The following SEMA6A variants were observed in gnomAD, a reference collection of about 807,000 sequenced individuals.
SEMA6A encodes semaphorin 6A, also known as semaphorin-6A.
SEMA6A carries 25 observed loss-of-function variants against 96.8 expected under a neutral mutation model. The ratio of observed to expected loss-of-function variants is 0.26; its 90% CI spans 0.19 to 0.36. SEMA6A has a LOEUF of 0.36. SEMA6A is among the 10% of genes least tolerant of loss of function. The pLI is 1.00. For synonymous variants in SEMA6A, 612 were observed against 518.0 expected (o/e 1.18, Z -2.46); for missense variants, 1,363 against 1,323.1 (o/e 1.03, Z -0.47).
intron 1 of SEMA6A, among the ~76,000 whole-genome samples, chr5:116,522,191 A>C (rs1758986398): frequency 6.6e-6 from 1 of 152,154 alleles, no homozygotes. Context: ...TTGGGTAAGA[A>C]ACTCACTTTT....
At position 116,477,829 on chromosome 5, in the gene SEMA6A, C is replaced by T. The variant is rs779283853; in HGVS notation, c.1649+17G>A. On this transcript the variant is annotated intron_variant, in intron 15 of 18. Transcript: ENST00000343348. Reference sequence around the variant, plus strand: ...CTGGAAGCCACTTCACCCTCTCCCACACCTCAGGCTGCCTACCTGCTGTTG... The same window carrying T: ...CTGGAAGCCACTTCACCCTCTCCCATACCTCAGGCTGCCTACCTGCTGTTG... 7 of 1,612,934 alleles carry T rather than the reference C, an allele frequency of 4.3e-6. No individual in the cohort carries two copies. Among genetic ancestry groups the T allele is most frequent in the African/African-American group, 2.7e-5 (2 of 74,920 alleles).
chr5:116,469,352 A>G lies in SEMA6A; in HGVS notation c.1730-1605T>C, dbSNP rs140566964. ...GTTCACATCTCATGTCATGATACAGATAAGAGAACAGGGGAAGGAAAATCA... is the reference window on the plus strand; with the variant it reads ...GTTCACATCTCATGTCATGATACAGGTAAGAGAACAGGGGAAGGAAAATCA... On this transcript the variant is annotated intron_variant, in intron 17 of 18. Coordinates refer to ENST00000343348, the MANE Select transcript of SEMA6A (RefSeq NM_020796.5). 238 of 152,362 alleles carry G rather than the reference A, an allele frequency of 1.6e-3. 3 individuals carry two copies. Among genetic ancestry groups the G allele is most frequent in the African/African-American group, 5.5e-3 (228 of 41,596 alleles). The allele number at this position is 152,362 out of a possible 1,614,324, so 9.4% of individuals were successfully genotyped here.
At position 116,486,770 on chromosome 5, in the gene SEMA6A, G is replaced by A. The variant is rs1426934700; in HGVS notation, c.941C>T (p.Thr314Met). The A allele has an allele frequency of 2.5e-6, 4 of 1,613,576 alleles. No homozygotes were observed. The highest frequency in any genetic ancestry group is 3.4e-6 in the Non-Finnish European group (4 of 1,179,694). ...TTACCTGTTATAAGGTGTAGAAAAC[G>A]TTGCCAGGACAACATCACGCCCGTT... is the stretch of plus-strand genomic sequence containing the variant. Reference protein sequence around the residue: ...RINGRDVVLATFSTPYNSIPG... With the variant: ...RINGRDVVLAMFSTPYNSIPG... The change falls in exon 10 of 19, where the codon ACG becomes ATG. Residue 314 changes from threonine (T) to methionine (M), a missense_variant. Coordinates refer to ENST00000343348, the MANE Select transcript of SEMA6A (RefSeq NM_020796.5).
Position 116,488,210 on chromosome 5 carries a change from G to A in SEMA6A, c.656-14C>T. 6.4e-7 allele frequency: 1 copy of A among 1,559,008 alleles called. No individual in the cohort carries two copies. Among genetic ancestry groups the A allele is most frequent in the East Asian group, 2.3e-5 (1 of 44,386 alleles). On this transcript the variant is annotated splice_polypyrimidine_tract_variant and intron_variant, in intron 8 of 18. Transcript: ENST00000343348. ...CAAAGTATGGTTCTGTAGACAAACA[G>A]GCACTTTAATTGGGAACATGTCAAA...
intron 1 of SEMA6A, among the ~76,000 whole-genome samples, chr5:116,524,725 G>A (rs746887898): frequency 8.4e-6 from 1 of 119,582 alleles, no homozygotes; most frequent in Non-Finnish European, 1.9e-5. Context: ...ATTTTCATAG[G>A]TTCCTAACCT....
In SEMA6A at chr5:116,446,778, T is replaced by C. The variant is rs1181634108; in HGVS notation, c.2928A>G (p.Pro976=). The change falls in exon 19 of 19, where the codon CCA becomes CCG. Residue 976 remains proline, a synonymous_variant. Coordinates refer to ENST00000343348, the MANE Select transcript of SEMA6A (RefSeq NM_020796.5). ...TCGAGACAGTCACGGCCTGGCCAGA[T>C]GGCTGGGAGCTGTGCACCTGGATGG... The part of the protein sequence containing the change: ...VDSIQVHSSQ[P]SGQAVTVSRQ... 1 of 1,611,800 alleles carries C rather than the reference T, an allele frequency of 6.2e-7. No homozygotes were observed. Among genetic ancestry groups the C allele is most frequent in the Admixed American group, 1.7e-5 (1 of 59,604 alleles).
chr5:116,497,712 A>G (rs182138243), intron 3 of SEMA6A, among the ~76,000 whole-genome samples: 6 of 152,380 alleles, frequency 3.9e-5, no homozygotes, highest in African/African-American at 1.4e-4. Context: ...CCCAAAGACT[A>G]GAACACAGAT....
intron 11 of SEMA6A, 88 bp downstream of exon 11, chr5:116,482,356 G>A (rs959234535): frequency 1.2e-5 from 17 of 1,401,474 alleles, no homozygotes; most frequent in Non-Finnish European, 1.7e-5. Context: ...GAAGGCACTG[G>A]TGCGCAGTTC....
At chr5:116,527,343 C>G (rs1759274201) in intron 1 of SEMA6A, among the ~76,000 whole-genome samples, 1 of 152,032 alleles carries the variant, frequency 6.6e-6, no homozygotes, top group African/African-American at 2.4e-5. Context: ...TTAAACATGG[C>G]CAAAAGACGA....
At chr5:116,484,673 T>A (rs933886722) in intron 10 of SEMA6A, among the ~76,000 whole-genome samples, 1 of 152,178 alleles carries the variant, frequency 6.6e-6, no homozygotes, top group East Asian at 1.9e-4. Flanking sequence ...CAACAACATC[T>A]TCAGGACGGT....
rs200499896 is a variant in SEMA6A, at chr5:116,486,928, A to G, written c.783T>C (p.Asp261=). The change falls in exon 10 of 19, where the codon GAT becomes GAC. Residue 261 remains aspartate, a synonymous_variant. Coordinates refer to ENST00000343348, the MANE Select transcript of SEMA6A (RefSeq NM_020796.5). ...FPRVAQVCKN[D]MGGSQRVLEK... ...CCAGGACTCTTTGAGATCCTCCCATATCATTCTTACAAACCTGAGCCACTC... is the reference window on the plus strand; with the variant it reads ...CCAGGACTCTTTGAGATCCTCCCATGTCATTCTTACAAACCTGAGCCACTC... The G allele has an allele frequency of 1.7e-4, 272 of 1,613,776 alleles. 1 individual carries two copies. Among genetic ancestry groups the G allele is most frequent in the South Asian group, 1.8e-4 (16 of 91,076 alleles).
intron 16 of SEMA6A, among the ~76,000 whole-genome samples, chr5:116,474,881 T>C (rs1290137520): frequency 7.1e-6 from 1 of 140,228 alleles, no homozygotes; most frequent in African/African-American, 2.5e-5. Context: ...CAGGAGAATA[T>C]TGATATTAAT....
At chr5:116,553,898 T>C (rs1760511289) in intron 1 of SEMA6A, among the ~76,000 whole-genome samples, 1 of 152,210 alleles carries the variant, frequency 6.6e-6, no homozygotes, top group South Asian at 2.1e-4. Context: ...TAAGTAATTA[T>C]AGAAATGACT....
intron 6 of SEMA6A, chr5:116,492,239 AT>A (rs1757365853): frequency 6.0e-6 from 1 of 166,202 alleles, no homozygotes; most frequent in African/African-American, 2.4e-5. Flanking sequence ...GCACGCTCTA[AT>A]CCTAGCAAGG....
At position 116,447,084 on chromosome 5, in the gene SEMA6A, C is replaced by G. The variant is rs1053661847; in HGVS notation, c.2622G>C (p.Leu874=). The G allele has an allele frequency of 4.3e-6, 7 of 1,613,864 alleles. No individual in the cohort carries two copies. The highest frequency in any genetic ancestry group is 5.9e-6 in the Non-Finnish European group (7 of 1,179,886). The change falls in exon 19 of 19, where the codon CTG becomes CTC. Residue 874 remains leucine, a synonymous_variant. Coordinates refer to ENST00000343348, the MANE Select transcript of SEMA6A (RefSeq NM_020796.5). ...GTGGAACTTTGGGGGGCAGGCTGTC[C>G]AGGTTCTCCACAAGGTTCACCCCAT... is the stretch of plus-strand genomic sequence containing the variant. The part of the protein sequence containing the change: ...PNHGVNLVEN[L]DSLPPKVPQR...
chr5:116,537,587 C>T (rs529728946), intron 1 of SEMA6A, among the ~76,000 whole-genome samples: 2 of 152,164 alleles, frequency 1.3e-5, no homozygotes, highest in East Asian at 1.9e-4. Flanking sequence ...GATTTAACCC[C>T]CAAATGGAGA....
chr5:116,453,012 G>A (rs1754746970), intron 18 of SEMA6A, among the ~76,000 whole-genome samples: 1 of 152,196 alleles, frequency 6.6e-6, no homozygotes, highest in Admixed American at 6.5e-5. Flanking sequence ...TCAACAGTGG[G>A]CAAAAGCTTT....
intron 1 of SEMA6A, among the ~76,000 whole-genome samples, chr5:116,533,435 T>G (rs1394068044): frequency 6.6e-6 from 1 of 152,174 alleles, no homozygotes; most frequent in Non-Finnish European, 1.5e-5. Context: ...CAGTAAAACT[T>G]TGACTAACTA....
At chr5:116,468,602 G>A (rs1755917289) in intron 17 of SEMA6A, 1 of 152,198 alleles carries the variant, frequency 6.6e-6, no homozygotes, top group Admixed American at 6.5e-5. Context: ...CATTTCCTGT[G>A]AATTCGTTTG....
Sources: gnomAD v4.1 joint callset for allele counts (sites outside exome capture counted in the v4.1 genomes callset) on GRCh38, gnomAD v4.1.1 for gene constraint, MANE v1.5 for transcripts, NCBI Gene and HGNC (gene_info 2026-07-23, HGNC 2026-07-21) for gene names.